GOLGA4: variants seen among roughly 807,000 people sequenced by gnomAD.
GOLGA4 encodes golgin subfamily A member 4.
GOLGA4 carries 169 observed loss-of-function variants against 265.9 expected under a neutral mutation model. The observed-to-expected ratio is 0.64, with a 90% CI of 0.56 to 0.72. The LOEUF is 0.72. Among genes scored for constraint, GOLGA4 ranks in the 30% least tolerant of loss-of-function variants. GOLGA4 has a pLI of 0.00. For synonymous variants in GOLGA4, 923 were observed against 855.8 expected, an observed-to-expected ratio of 1.08 and a Z score of -1.37; for missense variants, 2,482 against 2,483.4, an observed-to-expected ratio of 1.00 and a Z score of 0.01.
At chr3:37,276,924 CAT>C (rs1227126293) in intron 2 of GOLGA4, among the ~76,000 whole-genome samples, 1 of 152,024 alleles carries the variant, frequency 6.6e-6, no homozygotes, top group Non-Finnish European at 1.5e-5. Flanking sequence ...CACTGTGAAA[CAT>C]ACACAGTAGA....
At chr3:37,281,662 G>C (rs1474848894) in intron 2 of GOLGA4, among the ~76,000 whole-genome samples, 1 of 152,176 alleles carries the variant, frequency 6.6e-6, no homozygotes, top group Admixed American at 6.5e-5. Context: ...GGCTGGGAAA[G>C]TACTGTGTTT....
At chr3:37,293,448 A>C (rs1022469188) in intron 5 of GOLGA4, among the ~76,000 whole-genome samples, 1 of 152,212 alleles carries the variant, frequency 6.6e-6, no homozygotes, top group African/African-American at 2.4e-5. Context: ...GGCTGTGGTT[A>C]TAGTTGTGGT....
intron 16 of GOLGA4, 40 bp from the exon 17 acceptor site, chr3:37,335,009 CTTTT>C: frequency 8.2e-7 from 1 of 1,220,964 alleles, no homozygotes; most frequent in Non-Finnish European, 1.2e-6. Context: ...ACTAATGCTT[CTTTT>C]TTTTCTTTTC....
At chr3:37,344,221 C>T (rs1157116104) in intron 20 of GOLGA4, among the ~76,000 whole-genome samples, 1 of 152,192 alleles carries the variant, frequency 6.6e-6, no homozygotes, top group Non-Finnish European at 1.5e-5. Flanking sequence ...CATGTTTCAG[C>T]CTCTAAAGTA....
chr3:37,321,061 G>A (rs2096953579), intron 12 of GOLGA4, among the ~76,000 whole-genome samples: 1 of 152,114 alleles, frequency 6.6e-6, no homozygotes, highest in Non-Finnish European at 1.5e-5. Context: ...GTATGGATAA[G>A]TACACTTGTC....
chr3:37,325,839 CAG>C lies in GOLGA4; in HGVS notation c.3955_3956del (p.Glu1319LysfsTer17). ...AAGGCTGATATTGAAAGTCTTGTAA[CAG>C]AAAAAGAAGCCTTACAGAAGGAAGG... On this transcript the variant is annotated frameshift_variant, in exon 14 of 24. Coordinates refer to ENST00000361924, the MANE Select transcript of GOLGA4 (RefSeq NM_002078.5). LOFTEE classifies it high-confidence loss of function. 2 of 1,613,270 alleles carry C rather than the reference CAG, an allele frequency of 1.2e-6. No homozygotes were observed. The highest frequency in any genetic ancestry group is 1.7e-6 in the Non-Finnish European group (2 of 1,179,496).
Position 37,337,121 on chromosome 3 carries a change from T to G in GOLGA4, c.6307-22T>G, listed in dbSNP as rs116263468. On this transcript the variant is annotated intron_variant, in intron 17 of 23. Transcript: ENST00000361924. The stretch of plus-strand genomic sequence containing the variant: ...ATAGCTATTATTGTATACACTCATG[T>G]TTTTTCTTTCCATTTTTTCAGGTAA... 327 of 1,384,482 alleles carry G rather than the reference T, an allele frequency of 2.4e-4. No homozygotes were observed. The African/African-American group carries it at 3.5e-3, about 15-fold the overall frequency. 85.8% of individuals were successfully genotyped at this position (1,384,482 alleles called of 1,614,324 possible). A position where few individuals can be genotyped will look rare whatever the true frequency, so the allele number is the denominator to read the frequency against.
chr3:37,316,074 A>G (rs2096936813), intron 11 of GOLGA4, among the ~76,000 whole-genome samples: 1 of 152,204 alleles, frequency 6.6e-6, no homozygotes, highest in Admixed American at 6.5e-5. Context: ...AGCTTTTTGG[A>G]AAGATCTCTT....
Position 37,337,652 on chromosome 3 carries a change from T to G in GOLGA4, c.6328-14T>G. On this transcript the variant is annotated splice_polypyrimidine_tract_variant and intron_variant, in intron 18 of 23. Coordinates refer to ENST00000361924, the MANE Select transcript of GOLGA4 (RefSeq NM_002078.5). ...ACCTATGTGCATTTCAGATCTGACT[T>G]TTTGTTCTTTCAGACACAGCTAGCA... 6.3e-7 allele frequency: 1 copy of G among 1,589,784 alleles called. No homozygotes were observed. Among genetic ancestry groups the G allele is most frequent in the Non-Finnish European group, 8.6e-7 (1 of 1,157,860 alleles).
At chr3:37,283,658 T>C (rs2096840651) in intron 3 of GOLGA4, among the ~76,000 whole-genome samples, 1 of 152,108 alleles carries the variant, frequency 6.6e-6, no homozygotes, top group Non-Finnish European at 1.5e-5. Context: ...CTCAAGTAGC[T>C]GGGACTACAG....
intron 2 of GOLGA4, among the ~76,000 whole-genome samples, chr3:37,274,473 C>T (rs1169380863): frequency 6.6e-6 from 1 of 152,066 alleles, no homozygotes; most frequent in Non-Finnish European, 1.5e-5. Flanking sequence ...AGGTGGATCG[C>T]TTGAGACCAG....
chr3:37,315,144 C>T (rs1458295877), intron 10 of GOLGA4, among the ~76,000 whole-genome samples: 1 of 152,046 alleles, frequency 6.6e-6, no homozygotes, highest in Non-Finnish European at 1.5e-5. Context: ...GAATGGAGAG[C>T]CTTCAGTAAT....
chr3:37,365,356 C>T (rs1180988351), intron 23 of GOLGA4, among the ~76,000 whole-genome samples: 1 of 152,062 alleles, frequency 6.6e-6, no homozygotes, highest in Non-Finnish European at 1.5e-5. Context: ...GCAACCTCCG[C>T]CTCCTGAGTT....
chr3:37,336,447 TCCTAAGAAAGGTAAGAAAATAG>T (rs2097012998), intron 17 of GOLGA4, among the ~76,000 whole-genome samples: 1 of 152,040 alleles, frequency 6.6e-6, no homozygotes, highest in Non-Finnish European at 1.5e-5. Context: ...TTACCTTGTG[TCCTAAGAAAGGTAAGAAAATAG>T]CCTTAATTTG....
Position 37,324,014 on chromosome 3 carries a change from C to G in GOLGA4, c.2128C>G (p.Leu710Val), listed in dbSNP as rs1457679058. ...CAAACTAGAAGAGGAACTTTCTGTT[C>G]TGAAAGATCAAACAGATAAAATGAA... ...RHKLEEELSV[L>V]KDQTDKMKQE... Residue 710 changes from leucine to valine, a missense_variant, in exon 14 of 24, where the codon CTG becomes GTG. Leu to Val is a conservative substitution (Grantham distance 32, BLOSUM62 1). Around this residue, in one of 3 missense-constraint regions of GOLGA4, gnomAD observed 1,536 missense variants for 1,483.7 expected, o/e 1.04. Coordinates refer to ENST00000361924, the MANE Select transcript of GOLGA4 (RefSeq NM_002078.5). The G allele has an allele frequency of 6.2e-7, 1 of 1,613,488 alleles. No homozygotes were observed. Among genetic ancestry groups the G allele is most frequent in the African/African-American group, 1.3e-5 (1 of 74,874 alleles).
chr3:37,257,320 G>A (rs2096751617), intron 2 of GOLGA4, among the ~76,000 whole-genome samples: 1 of 152,020 alleles, frequency 6.6e-6, no homozygotes, highest in Non-Finnish European at 1.5e-5. Flanking sequence ...TTAGTACCTG[G>A]AATAAGACCT....
chr3:37,321,880 C>T lies in GOLGA4; in HGVS notation c.1695C>T (p.Tyr565=). The T allele has an allele frequency of 5.7e-6, 9 of 1,591,844 alleles. No homozygotes were observed. The highest frequency in any genetic ancestry group is 7.7e-6 in the Non-Finnish European group (9 of 1,173,464). Residue 565 remains tyrosine (Y), a synonymous_variant, in exon 13 of 24, where the codon TAC becomes TAT. Transcript: ENST00000361924. ...LRDLQQEAET[Y]RTRILELESS... is the part of the protein sequence containing the mutation. ...ACCTTCAGCAAGAAGCAGAGACTTA[C>T]AGAACTGTAAGTTTTAATAATATTC...
chr3:37,290,919 G>A (rs949903882), intron 5 of GOLGA4, among the ~76,000 whole-genome samples: 3 of 152,112 alleles, frequency 2.0e-5, no homozygotes, highest in African/African-American at 7.2e-5. Context: ...CAAATAATAC[G>A]GCATTTCTAC....
chr3:37,275,392 T>C (rs1280199957), intron 2 of GOLGA4, among the ~76,000 whole-genome samples: 1 of 152,182 alleles, frequency 6.6e-6, no homozygotes, highest in Non-Finnish European at 1.5e-5. Flanking sequence ...ACTCTAGTCT[T>C]GAGCAGCCAC....
Sources: gnomAD v4.1 joint callset for allele counts (sites outside exome capture counted in the v4.1 genomes callset) on GRCh38, gnomAD v4.1.1 for gene constraint, gnomAD v4.1.1 regional missense constraint, MANE v1.5 for transcripts, NCBI Gene and HGNC (gene_info 2026-07-23, HGNC 2026-07-21) for gene names.